PRR5: variants seen among roughly 807,000 people sequenced by gnomAD.
PRR5 encodes proline-rich protein 5.
In PRR5, 25 loss-of-function variants were observed where a neutral mutation model predicts 30.6. The ratio of observed to expected loss-of-function variants is 0.82; its 90% CI spans 0.60 to 1.14. The LOEUF is 1.14. Among genes scored for constraint, PRR5 ranks in the 50% most tolerant of loss-of-function variants. The pLI is 0.00. For synonymous variants in PRR5, 286 were observed against 247.1 expected (o/e 1.16, Z -1.48); for missense variants, 600 against 547.1 (o/e 1.10, Z -0.96).
At chr22:44,734,925 G>A in intron 6 of PRR5, 102 bp from the exon 7 acceptor site, 5 of 1,424,046 alleles carry the variant, frequency 3.5e-6, no homozygotes, top group South Asian at 1.3e-5. Context: ...GGAGGCGGGA[G>A]GCAGAGGACA....
At chr22:44,724,588 G>A (rs868276306) in intron 2 of PRR5, among the ~76,000 whole-genome samples, 1 of 152,186 alleles carries the variant, frequency 6.6e-6, no homozygotes, top group Non-Finnish European at 1.5e-5. Context: ...GTGGAATGTG[G>A]TGCTCCCATT....
chr22:44,702,309 ACGGAGGCGCGGGGCCGGGG>A lies in PRR5; in HGVS notation c.-162_-144del. On this transcript the variant is annotated 5_prime_UTR_variant, in exon 1 of 8. It removes the in-frame stop codon of an upstream open reading frame in the 5' UTR. Transcript: ENST00000336985. The stretch of plus-strand genomic sequence containing the variant: ...CGGGGCGGCCGGCGCGGGACCCGAG[ACGGAGGCGCGGGGCCGGGG>A]CGGGACCCCGCAGGACCGCTCGGCT... The A allele has an allele frequency of 8.7e-7, 1 of 1,147,444 alleles. No homozygotes were observed. The highest frequency in any genetic ancestry group is 1.1e-6 in the Non-Finnish European group (1 of 927,882). The allele number at this position is 1,147,444 out of a possible 1,614,324, so 71.1% of individuals were successfully genotyped here.
chr22:44,692,456 G>A (rs1397916194), intron 1 of PRR5, among the ~76,000 whole-genome samples: 2 of 106,178 alleles, frequency 1.9e-5, no homozygotes, highest in Admixed American at 9.5e-5. Context: ...CTCCTCCACC[G>A]GGGGAAATTC....
chr22:44,724,228 G>T (rs1249309273), intron 2 of PRR5, among the ~76,000 whole-genome samples: 4 of 152,154 alleles, frequency 2.6e-5, no homozygotes, highest in Non-Finnish European at 5.9e-5. Flanking sequence ...TTGAGGTCAG[G>T]AGTTCGAGAC....
At chr22:44,713,103 G>A (rs1004776376) in intron 1 of PRR5, among the ~76,000 whole-genome samples, 2 of 152,174 alleles carry the variant, frequency 1.3e-5, no homozygotes, top group Admixed American at 6.5e-5. Context: ...CAGGATGCCC[G>A]GGAGTGTGGG....
rs1379938620 is a variant in PRR5, at chr22:44,737,238, T to C, written c.1158T>C (p.Ser386=). 3 of 1,600,232 alleles carry C rather than the reference T, an allele frequency of 1.9e-6. No individual in the cohort carries two copies. Among genetic ancestry groups the C allele is most frequent in the Non-Finnish European group, 2.6e-6 (3 of 1,170,626 alleles). The change falls in exon 8 of 8, where the codon AGT becomes AGC. Residue 386 remains serine, a synonymous_variant. Coordinates refer to ENST00000336985, the MANE Select transcript of PRR5 (RefSeq NM_181333.4). ...SDLEGSGGRQ[S]VV ...TGGAGGGCTCTGGGGGCCGGCAGAG[T>C]GTCGTGTGAGGCCTCACAGCTGGCC...
At chr22:44,677,532 C>T (rs1035088384) in intron 1 of PRR5, among the ~76,000 whole-genome samples, 5 of 152,252 alleles carry the variant, frequency 3.3e-5, no homozygotes, top group African/African-American at 1.2e-4. Context: ...ATGGCTTCTT[C>T]CTACTGCTGC....
intron 2 of PRR5, among the ~76,000 whole-genome samples, chr22:44,715,895 A>T (rs887910742): frequency 4.6e-5 from 7 of 151,958 alleles, no homozygotes; most frequent in African/African-American, 1.7e-4. Context: ...CCATCCTCCC[A>T]CCTCCAGCCT....
intron 6 of PRR5, among the ~76,000 whole-genome samples, chr22:44,732,936 T>C (rs1347423468): frequency 9.0e-6 from 1 of 110,938 alleles, no homozygotes; most frequent in Admixed American, 9.3e-5. Context: ...ACGCACATAC[T>C]ACACACGTGT....
At chr22:44,721,010 C>G (rs1019680084) in intron 2 of PRR5, among the ~76,000 whole-genome samples, 2 of 152,130 alleles carry the variant, frequency 1.3e-5, no homozygotes, top group African/African-American at 4.8e-5. Flanking sequence ...ATTCCTTCGT[C>G]AGCATTCACA....
At chr22:44,714,809 G>T (rs1434026331) in intron 2 of PRR5, 138 bp downstream of exon 2, 2 of 1,203,884 alleles carry the variant, frequency 1.7e-6, no homozygotes, top group African/African-American at 3.1e-5. Flanking sequence ...GTCAACAGGA[G>T]AGCGAGGCCC....
intron 5 of PRR5, 149 bp from the exon 6 acceptor site, chr22:44,732,102 T>C: frequency 7.7e-7 from 1 of 1,299,924 alleles, no homozygotes; most frequent in African/African-American, 1.5e-5. Context: ...GGGCCCTCTA[T>C]CCTTGGGACG....
At chr22:44,731,941 C>T in intron 5 of PRR5, 120 bp downstream of exon 5, 1 of 1,101,162 alleles carries the variant, frequency 9.1e-7, no homozygotes, top group Non-Finnish European at 1.3e-6. Context: ...CTCTGTGCTG[C>T]TCTCCTTGGG....
chr22:44,723,203 C>T (rs1415705311), intron 2 of PRR5, among the ~76,000 whole-genome samples: 6 of 151,848 alleles, frequency 4.0e-5, no homozygotes, highest in Admixed American at 6.6e-5. Flanking sequence ...AGGCTGGTTT[C>T]GAACTTTGGA....
chr22:44,702,522 T>A lies in PRR5; in HGVS notation c.48T>A (p.Ser16Arg). 1 of 1,472,940 alleles carries A rather than the reference T, an allele frequency of 6.8e-7. No homozygotes were observed. Among genetic ancestry groups the A allele is most frequent in the Non-Finnish European group, 9.0e-7 (1 of 1,110,832 alleles). 91.2% of individuals were successfully genotyped at this position (1,472,940 alleles called of 1,614,324 possible). ...RLKFMSSPSL[S>R]DLGKREPAAA... ...AGTTCATGAGTTCGCCCAGCCTCAG[T>A]GACCTGGGCAAGAGAGAGCCGGCCG... Residue 16 changes from serine (S) to arginine (R), a missense_variant, in exon 1 of 8, where the codon AGT becomes AGA. Ser to Arg is a moderately radical substitution (Grantham distance 110). Coordinates refer to ENST00000336985, the MANE Select transcript of PRR5 (RefSeq NM_181333.4).
At chr22:44,731,404 C>G (rs1921939222) in intron 4 of PRR5, 2 of 436,506 alleles carry the variant, frequency 4.6e-6, no homozygotes, top group African/African-American at 2.0e-5. Context: ...TGGTATGTGA[C>G]AAAGGCCTGG....
intron 5 of PRR5, 147 bp downstream of exon 5, chr22:44,731,968 G>C: frequency 1.0e-6 from 1 of 965,124 alleles, no homozygotes; most frequent in Non-Finnish European, 1.5e-6. Flanking sequence ...GAGTTGCTCA[G>C]AGCCTGTTTC....
chr22:44,683,604 CTG>C (rs60280946), intron 1 of PRR5, among the ~76,000 whole-genome samples: 13,690 of 152,248 alleles, frequency 0.09, 773 homozygotes, highest in East Asian at 0.27. Flanking sequence ...AGCCAGGAGA[CTG>C]TGTCCACCCT....
At chr22:44,728,275 A>G (rs541381262) in intron 4 of PRR5, among the ~76,000 whole-genome samples, 4 of 152,314 alleles carry the variant, frequency 2.6e-5, no homozygotes, top group Admixed American at 6.5e-5. Context: ...TCCAGTTCCC[A>G]TGTAGCTGCA....
Sources: allele counts gnomAD v4.1 joint callset (sites outside exome capture counted in the v4.1 genomes callset), GRCh38; gene constraint gnomAD v4.1.1; transcripts MANE v1.5; gene names NCBI Gene and HGNC (gene_info 2026-07-23, HGNC 2026-07-21).